CMSS1: variants seen among roughly 807,000 people sequenced by gnomAD.
CMSS1 encodes protein CMSS1.
CMSS1 carries 33 observed loss-of-function variants against 43.5 expected under a neutral mutation model. That is an observed-to-expected ratio of 0.76 (90% CI 0.57 to 1.01). The LOEUF is 1.01. Among genes scored for constraint, CMSS1 ranks in the 50% least tolerant of loss-of-function variants. The probability of loss-of-function intolerance (pLI) is 0.00; values close to 1 mark genes in which losing one functional copy is unlikely to be tolerated. For missense variants in CMSS1, 313 were observed against 326.4 expected (o/e 0.96, Z 0.32); for synonymous variants, 115 against 117.2 (o/e 0.98, Z 0.12).
At chr3:99,907,402 C>T (rs1466352297) in intron 1 of CMSS1, among the ~76,000 whole-genome samples, 2 of 152,132 alleles carry the variant, frequency 1.3e-5, no homozygotes, top group African/African-American at 4.8e-5. Flanking sequence ...CGCCCACCAC[C>T]ACGCCCAACT....
chr3:100,105,308 G>C (rs777662893), intron 1 of CMSS1, among the ~76,000 whole-genome samples: 1 of 152,130 alleles, frequency 6.6e-6, no homozygotes, highest in African/African-American at 2.4e-5. Flanking sequence ...AGTTTGTTAA[G>C]TACTCAGGAA....
intron 1 of CMSS1, among the ~76,000 whole-genome samples, chr3:100,074,044 G>T (rs915601506): frequency 6.6e-6 from 1 of 152,050 alleles, no homozygotes; most frequent in African/African-American, 2.4e-5. Flanking sequence ...TGTTAACTGC[G>T]GGAAAAGGTT....
At chr3:100,043,973 A>G (rs1320193350) in intron 1 of CMSS1, among the ~76,000 whole-genome samples, 2 of 152,218 alleles carry the variant, frequency 1.3e-5, no homozygotes, top group African/African-American at 2.4e-5. Context: ...TTCACTTAGC[A>G]TGATGTCCTC....
intron 1 of CMSS1, chr3:99,964,400 G>C (rs1298865219): frequency 6.6e-6 from 1 of 150,670 alleles, no homozygotes; most frequent in East Asian, 2.0e-4. Context: ...TGGGCTAGGT[G>C]ATGTTTAGGA....
intron 1 of CMSS1, among the ~76,000 whole-genome samples, chr3:100,007,888 C>T (rs1454963543): frequency 6.6e-6 from 1 of 152,150 alleles, no homozygotes; most frequent in Non-Finnish European, 1.5e-5. Flanking sequence ...CTTATAGTCT[C>T]TCACCCACTG....
In CMSS1 at chr3:100,111,143, C is replaced by T. The variant is rs1055107299; in HGVS notation, c.65-35830C>T. ...GCTTATATCTCTTTTAGCAACTAAA[C>T]TGAATTTTCAAGGGCCAGAAGGAAG... On this transcript the variant is annotated intron_variant, in intron 1 of 9. Transcript: ENST00000421999. Among the ~76,000 whole-genome samples, 109 of 152,158 alleles carry T rather than the reference C, an allele frequency of 7.2e-4. 1 individual carries two copies. Among genetic ancestry groups the T allele is most frequent in the African/African-American group, 2.5e-3 (104 of 41,510 alleles).
At chr3:100,163,498 AAGATATTAC>A (rs2067042658) in intron 4 of CMSS1, among the ~76,000 whole-genome samples, 1 of 152,200 alleles carries the variant, frequency 6.6e-6, no homozygotes, top group Admixed American at 6.5e-5. Context: ...ATTAAGCTAA[AAGATATTAC>A]AAAATTTAAA....
chr3:99,907,369 T>TCCCCAACAGCTGGGACTACAGG (rs1706652022), intron 1 of CMSS1, among the ~76,000 whole-genome samples: 1 of 152,090 alleles, frequency 6.6e-6, no homozygotes, highest in Non-Finnish European at 1.5e-5. Flanking sequence ...TGCCTCAGCC[T>TCCCCAACAGCTGGGACTACAGG]CCCCAACAGC....
intron 1 of CMSS1, among the ~76,000 whole-genome samples, chr3:100,087,582 T>G (rs1018758439): frequency 3.9e-5 from 6 of 152,158 alleles, no homozygotes; most frequent in Non-Finnish European, 8.8e-5. Flanking sequence ...TTTAATTGTT[T>G]TCTTATTATT....
intron 1 of CMSS1, among the ~76,000 whole-genome samples, chr3:99,938,072 TGTGCGC>T (rs1384712358): frequency 1.2e-3 from 174 of 142,592 alleles, no homozygotes; most frequent in African/African-American, 3.2e-3. Context: ...TGTGTGTGTG[TGTGCGC>T]GCGCGCGCGC....
intron 1 of CMSS1, among the ~76,000 whole-genome samples, chr3:99,922,630 G>A (rs772864349): frequency 2.0e-5 from 3 of 152,166 alleles, no homozygotes; most frequent in Non-Finnish European, 4.4e-5. Context: ...GGAAGTAGTT[G>A]AATAAGCCAT....
intron 1 of CMSS1, among the ~76,000 whole-genome samples, chr3:100,035,852 T>C (rs1022838592): frequency 1.3e-5 from 2 of 152,102 alleles, no homozygotes; most frequent in Admixed American, 6.5e-5. Flanking sequence ...TTCCCCCACA[T>C]TGGATTCTTT....
At chr3:100,145,012 C>T (rs1286120346) in intron 1 of CMSS1, among the ~76,000 whole-genome samples, 2 of 152,258 alleles carry the variant, frequency 1.3e-5, no homozygotes, top group Middle Eastern at 3.4e-3. Context: ...CTACAGCTAT[C>T]TTCCTAGAAG....
chr3:100,176,496 A>G, intron 9 of CMSS1, 81 bp downstream of exon 9: 1 of 852,336 alleles, frequency 1.2e-6, no homozygotes, highest in South Asian at 1.5e-5. Context: ...AGTCTTTGAC[A>G]TGAGGAGCCA....
intron 1 of CMSS1, among the ~76,000 whole-genome samples, chr3:100,126,483 G>A (rs1456139353): frequency 2.0e-5 from 3 of 152,138 alleles, no homozygotes; most frequent in East Asian, 1.9e-4. Flanking sequence ...TCCTACAAAC[G>A]TAGAATCAAA....
intron 1 of CMSS1, among the ~76,000 whole-genome samples, chr3:99,991,588 A>G (rs981503251): frequency 4.0e-5 from 6 of 151,866 alleles, no homozygotes; most frequent in African/African-American, 1.4e-4. Context: ...TAATTTTTCA[A>G]CCCTCACCCC....
chr3:99,972,194 C>A lies in CMSS1; in HGVS notation c.64+154151C>A, dbSNP rs189928416. ...TCATTCAAACCAGTCTTTTTATGGG[C>A]TTAATAAATTTGATAAGGGAATAGG... On this transcript the variant is annotated intron_variant, in intron 1 of 9. Transcript: ENST00000421999. Among the ~76,000 whole-genome samples the A allele has an allele frequency of 2.6e-5, 4 of 152,034 alleles. No homozygotes were observed. In the East Asian group the frequency reaches 7.7e-4, roughly 29 times the overall value.
intron 1 of CMSS1, among the ~76,000 whole-genome samples, chr3:99,911,948 T>C (rs1347174869): frequency 6.6e-6 from 1 of 152,192 alleles, no homozygotes; most frequent in Non-Finnish European, 1.5e-5. Flanking sequence ...TCTTTTTTTT[T>C]CCAGCAAATA....
At chr3:100,140,957 A>C (rs1032585813) in intron 1 of CMSS1, among the ~76,000 whole-genome samples, 6 of 152,196 alleles carry the variant, frequency 3.9e-5, no homozygotes, top group African/African-American at 1.4e-4. Context: ...AGTCATATAC[A>C]GTGCACCATC....
Sources: gnomAD v4.1 joint callset for allele counts (sites outside exome capture counted in the v4.1 genomes callset) on GRCh38, gnomAD v4.1.1 for gene constraint, MANE v1.5 for transcripts, NCBI Gene and HGNC (gene_info 2026-07-23, HGNC 2026-07-21) for gene names.